ATP2B1: variants seen among roughly 807,000 people sequenced by gnomAD.
ATP2B1 encodes plasma membrane calcium-transporting ATPase 1.
ATP2B1 carries 14 observed loss-of-function variants against 124.2 expected under a neutral mutation model. That is an observed-to-expected ratio of 0.11 (90% CI 0.07 to 0.18). The LOEUF is 0.18. Among genes scored for constraint, ATP2B1 ranks in the 10% least tolerant of loss-of-function variants. The probability of loss-of-function intolerance (pLI) is 1.00; values close to 1 mark genes in which losing one functional copy is unlikely to be tolerated. For missense variants in ATP2B1, 763 were observed against 1,466.1 expected, an observed-to-expected ratio of 0.52 and a Z score of 7.83; for synonymous variants, 449 against 492.4, an observed-to-expected ratio of 0.91 and a Z score of 1.17.
chr12:89,641,642 A>T (rs1364771847), intron 3 of ATP2B1, among the ~76,000 whole-genome samples: 4 of 152,238 alleles, frequency 2.6e-5, no homozygotes, highest in African/African-American at 9.6e-5. Flanking sequence ...TCGGATTTTC[A>T]TATTAGGGAT....
intron 1 of ATP2B1, among the ~76,000 whole-genome samples, chr12:89,667,123 C>T (rs1887401526): frequency 6.6e-6 from 1 of 152,182 alleles, no homozygotes; most frequent in Non-Finnish European, 1.5e-5. Flanking sequence ...GGCCCACTCT[C>T]ACCTTGACCC....
chr12:89,672,405 T>C (rs555848486), intron 1 of ATP2B1, among the ~76,000 whole-genome samples: 2 of 152,146 alleles, frequency 1.3e-5, no homozygotes, highest in Non-Finnish European at 2.9e-5. Context: ...AGTGAGCTGA[T>C]ATCACGCTAC....
chr12:89,677,971 T>TACACACACACACACACACAC (rs869199593), intron 1 of ATP2B1, among the ~76,000 whole-genome samples: 1 of 52,306 alleles, frequency 1.9e-5, no homozygotes, highest in African/African-American at 7.0e-5. Context: ...TATATATATA[T>TACACACACACACACACACAC]ACACACACAC....
At chr12:89,669,674 T>G (rs939558192) in intron 1 of ATP2B1, among the ~76,000 whole-genome samples, 3 of 152,164 alleles carry the variant, frequency 2.0e-5, no homozygotes, top group Non-Finnish European at 4.4e-5. Flanking sequence ...AAAACAGTCA[T>G]GAACTGTATA....
chr12:89,644,777 T>G (rs2056327), intron 2 of ATP2B1, among the ~76,000 whole-genome samples: 1 of 152,176 alleles, frequency 6.6e-6, no homozygotes. Context: ...TAATTGCATA[T>G]ATATGACATA....
intron 15 of ATP2B1, among the ~76,000 whole-genome samples, chr12:89,605,588 T>C (rs1347028844): frequency 6.6e-6 from 1 of 152,180 alleles, no homozygotes; most frequent in Non-Finnish European, 1.5e-5. Flanking sequence ...CTTTTATTGT[T>C]CATGAATTAT....
rs1037212729 is a variant in ATP2B1 at position 89,590,102 on chromosome 12, G to A, written c.*882C>T. ...CATTTCAAGCATCTTTCATTATGTA[G>A]TTGATGTCCTGCATTAAACAATCTA... On this transcript the variant is annotated 3_prime_UTR_variant, in exon 21 of 21. Coordinates refer to ENST00000428670, the MANE Select transcript of ATP2B1 (RefSeq NM_001366521.1). 1 of 152,516 alleles carries A rather than the reference G, an allele frequency of 6.6e-6. No homozygotes were observed. The highest frequency in any genetic ancestry group is 1.5e-5 in the Non-Finnish European group (1 of 67,976). 9.4% of individuals were successfully genotyped at this position (152,516 alleles called of 1,614,324 possible).
chr12:89,595,889 T>G (rs931193320), intron 20 of ATP2B1, among the ~76,000 whole-genome samples: 14 of 152,046 alleles, frequency 9.2e-5, no homozygotes, highest in African/African-American at 2.9e-4. Context: ...AAGCAACAAC[T>G]ACAAACTTTC....
At chr12:89,624,060 A>G in intron 9 of ATP2B1, 123 bp downstream of exon 9, 2 of 829,106 alleles carry the variant, frequency 2.4e-6, no homozygotes, top group Non-Finnish European at 3.8e-6. Context: ...TCTAGAGAAA[A>G]TAGTGTACAT....
At position 89,600,379 on chromosome 12, in the gene ATP2B1, G is replaced by A. The variant is rs576397248; in HGVS notation, c.3168+947C>T. On this transcript the variant is annotated intron_variant, in intron 19 of 20. Transcript: ENST00000428670. Reference sequence around the variant, plus strand: ...CTATAAATTAGTTTTATAGTAATGGGCTTAAAATGAACAATGCATAAATCA... The same window carrying A: ...CTATAAATTAGTTTTATAGTAATGGACTTAAAATGAACAATGCATAAATCA... Among the ~76,000 whole-genome samples, 5 of 152,136 alleles carry A rather than the reference G, an allele frequency of 3.3e-5. 1 individual carries two copies. The highest frequency in any genetic ancestry group is 1.2e-4 in the African/African-American group (5 of 41,510).
At chr12:89,703,634 T>A (rs1387589911) in intron 1 of ATP2B1, among the ~76,000 whole-genome samples, 2 of 152,144 alleles carry the variant, frequency 1.3e-5, no homozygotes, top group African/African-American at 4.8e-5. Context: ...TGGCAGACAT[T>A]AAGACATGAA....
chr12:89,636,523 T>C (rs1374909819), intron 3 of ATP2B1, among the ~76,000 whole-genome samples: 2 of 152,190 alleles, frequency 1.3e-5, no homozygotes, highest in Non-Finnish European at 2.9e-5. Context: ...CTGAAAGCCA[T>C]TGGTTCTCTC....
At chr12:89,697,066 A>C (rs1468183729) in intron 1 of ATP2B1, among the ~76,000 whole-genome samples, 2 of 1,836 alleles carry the variant, frequency 1.1e-3, no homozygotes, top group South Asian at 0.028. Context: ...ACTTCCTTCA[A>C]AAAAAAAAAA....
At chr12:89,627,990 T>C (rs548324526) in intron 6 of ATP2B1, among the ~76,000 whole-genome samples, 1 of 152,004 alleles carries the variant, frequency 6.6e-6, no homozygotes. Context: ...AACCTAAATA[T>C]GATACAAAAA....
intron 2 of ATP2B1, among the ~76,000 whole-genome samples, chr12:89,643,547 G>A (rs1883984091): frequency 6.6e-6 from 1 of 152,170 alleles, no homozygotes. Context: ...GAGGTATACT[G>A]TAGGATGTAA....
rs372212809 is a variant in ATP2B1, at chr12:89,641,302, C to T, written c.406+856G>A. The stretch of plus-strand genomic sequence containing the variant: ...GCCACAAGTTAAAGCAAATCTACCA[C>T]GCTATAATGTATTTCTCTATTGGTT... On this transcript the variant is annotated intron_variant, in intron 3 of 20. Transcript: ENST00000428670. Among the ~76,000 whole-genome samples, 152 of 152,216 alleles carry T rather than the reference C, an allele frequency of 1.0e-3. 10 individuals are homozygous for T. The South Asian group carries it at 0.031, about 31-fold the overall frequency.
chr12:89,698,360 G>A (rs989710475), intron 1 of ATP2B1, among the ~76,000 whole-genome samples: 1 of 152,170 alleles, frequency 6.6e-6, no homozygotes, highest in Non-Finnish European at 1.5e-5. Context: ...CAATTATGGT[G>A]AGTGAATGTC....
At chr12:89,702,619 A>G (rs1429006473) in intron 1 of ATP2B1, among the ~76,000 whole-genome samples, 2 of 152,244 alleles carry the variant, frequency 1.3e-5, no homozygotes, top group African/African-American at 4.8e-5. Context: ...CAGAAAACAT[A>G]AATTTGACTC....
At chr12:89,641,242 G>C (rs561476599) in intron 3 of ATP2B1, among the ~76,000 whole-genome samples, 1 of 152,214 alleles carries the variant, frequency 6.6e-6, no homozygotes, top group Non-Finnish European at 1.5e-5. Context: ...AAATTTAAAA[G>C]AGAAAGGGAA....
Sources: gnomAD v4.1 joint callset for allele counts (sites outside exome capture counted in the v4.1 genomes callset) on GRCh38, gnomAD v4.1.1 for gene constraint, MANE v1.5 for transcripts, NCBI Gene and HGNC (gene_info 2026-07-23, HGNC 2026-07-21) for gene names.